SOX6: variants seen among roughly 807,000 people sequenced by gnomAD.
SOX6 encodes the protein SRY-box transcription factor 6, also known as transcription factor SOX-6.
In SOX6, 11 loss-of-function variants were observed where a neutral mutation model predicts 97.8. That is an observed-to-expected ratio of 0.11 (90% CI 0.07 to 0.19). The LOEUF (loss-of-function observed/expected upper bound fraction) is 0.19. SOX6 is among the 10% of genes least tolerant of loss of function. The probability of loss-of-function intolerance (pLI) is 1.00; values close to 1 mark genes in which losing one functional copy is unlikely to be tolerated. For missense variants in SOX6, 810 were observed against 1,039.5 expected, an observed-to-expected ratio of 0.78 and a Z score of 3.04; for synonymous variants, 360 against 371.4, an observed-to-expected ratio of 0.97 and a Z score of 0.35.
At chr11:16,347,711 A>G (rs1043735255) in intron 1 of SOX6, among the ~76,000 whole-genome samples, 1 of 152,154 alleles carries the variant, frequency 6.6e-6, no homozygotes, top group African/African-American at 2.4e-5. Flanking sequence ...ATCATAAACC[A>G]GAACAATAAC....
chr11:16,525,698 C>T (rs1333849266), intron 4 of SOX6, among the ~76,000 whole-genome samples: 3 of 151,696 alleles, frequency 2.0e-5, no homozygotes, highest in African/African-American at 7.3e-5. Context: ...AACAGGCAAC[C>T]TACAAAATGG....
chr11:16,614,309 C>G (rs533615353), intron 3 of SOX6, among the ~76,000 whole-genome samples: 2 of 152,262 alleles, frequency 1.3e-5, no homozygotes, highest in Non-Finnish European at 2.9e-5. Context: ...ACCTTCGGAA[C>G]AGTAGACAAA....
intron 1 of SOX6, among the ~76,000 whole-genome samples, chr11:16,343,598 G>A (rs1367804158): frequency 2.6e-5 from 4 of 151,908 alleles, no homozygotes; most frequent in South Asian, 2.1e-4. Context: ...TTGTTAGAAT[G>A]TTTTCTTAAG....
At position 16,607,842 on chromosome 11, in the gene SOX6, C is replaced by CGAGG. The variant is rs1848353550; in HGVS notation, n.609+4235_609+4238dup. ...AACACAGGCAAGATGAGACAAGAGG[C>CGAGG]GAGGGAGGCAGCGAGCCAGGCAGAG... On this transcript the variant is annotated intron_variant and non_coding_transcript_variant, in intron 4 of 5. Transcript: ENST00000524520. This position sits in a 1 kb window ranked among gnomAD's most constrained non-coding sequence, Gnocchi z 6.5. The CGAGG allele has an allele frequency of 6.6e-6, 1 of 151,716 alleles. No individual in the cohort carries two copies. The highest frequency in any genetic ancestry group is 2.1e-4 in the South Asian group (1 of 4,776). 9.4% of individuals were successfully genotyped at this position (151,716 alleles called of 1,614,324 possible).
At chr11:16,521,257 C>A (rs534620250) in intron 4 of SOX6, among the ~76,000 whole-genome samples, 1 of 152,130 alleles carries the variant, frequency 6.6e-6, no homozygotes, top group South Asian at 2.1e-4. Flanking sequence ...ACACCTCACA[C>A]GGCCGGGTAC....
chr11:16,101,357 G>T (rs1341085523), intron 7 of SOX6, among the ~76,000 whole-genome samples: 1 of 151,522 alleles, frequency 6.6e-6, no homozygotes, highest in Non-Finnish European at 1.5e-5. Context: ...AATAAAATTA[G>T]CAAGGATTAT....
intron 2 of SOX6, among the ~76,000 whole-genome samples, chr11:16,732,710 T>C (rs917425783): frequency 3.3e-5 from 5 of 152,040 alleles, no homozygotes; most frequent in Admixed American, 2.0e-4. Context: ...CCAAAAACAA[T>C]GGCAACAAAA....
intron 3 of SOX6, among the ~76,000 whole-genome samples, chr11:16,281,912 C>T (rs769043052): frequency 1.9e-4 from 29 of 149,304 alleles, no homozygotes; most frequent in Middle Eastern, 3.5e-3. Flanking sequence ...AACATAAAAG[C>T]AAGTTACATA....
At chr11:16,407,584 G>A (rs1284974102) in intron 1 of SOX6, among the ~76,000 whole-genome samples, 1 of 152,078 alleles carries the variant, frequency 6.6e-6, no homozygotes, top group Non-Finnish European at 1.5e-5. Context: ...GCAGGAATAG[G>A]AGTGATTACC....
At chr11:16,532,758 T>C (rs1861254849) in intron 4 of SOX6, among the ~76,000 whole-genome samples, 1 of 151,900 alleles carries the variant, frequency 6.6e-6, no homozygotes, top group Non-Finnish European at 1.5e-5. Flanking sequence ...AAAAATATCC[T>C]AAATATCTTC....
At chr11:16,552,466 T>C (rs1206170163) in intron 4 of SOX6, among the ~76,000 whole-genome samples, 1 of 152,184 alleles carries the variant, frequency 6.6e-6, no homozygotes, top group Non-Finnish European at 1.5e-5. Flanking sequence ...GGTTTTTTCT[T>C]TTGTTTGGAA....
rs551311516 is a variant in SOX6, at chr11:16,608,944, A to T, written n.609+3137T>A. Among the ~76,000 whole-genome samples the T allele has an allele frequency of 2.6e-5, 4 of 152,342 alleles. No homozygotes were observed. The East Asian group carries it at 7.7e-4, about 29-fold the overall frequency. On this transcript the variant is annotated intron_variant and non_coding_transcript_variant, in intron 4 of 5. Transcript: ENST00000524520. ...CAGTTTCAGTCACCCAGGATGACATATAAAAATGCCTAAGTCAGATGTAGA... is the reference window on the plus strand; with the variant it reads ...CAGTTTCAGTCACCCAGGATGACATTTAAAAATGCCTAAGTCAGATGTAGA...
At chr11:16,591,348 TAGAC>T (rs58702660) in intron 4 of SOX6, among the ~76,000 whole-genome samples, 44,107 of 120,864 alleles carry the variant, frequency 0.36, 6,797 homozygotes, top group Admixed American at 0.39. Context: ...GATAGATAGA[TAGAC>T]AGATAGATAG....
At chr11:16,199,520 C>A (rs1851877143) in intron 4 of SOX6, among the ~76,000 whole-genome samples, 1 of 152,076 alleles carries the variant, frequency 6.6e-6, no homozygotes, top group Non-Finnish European at 1.5e-5. Flanking sequence ...TTTCAGTAAA[C>A]TATAAATGTT....
chr11:16,514,348 C>T (rs993429441), intron 4 of SOX6, among the ~76,000 whole-genome samples: 1 of 151,770 alleles, frequency 6.6e-6, no homozygotes, highest in Non-Finnish European at 1.5e-5. Flanking sequence ...AAAAGTAGGT[C>T]AGCCCAAAAG....
chr11:16,193,990 G>A (rs539401785), intron 4 of SOX6, among the ~76,000 whole-genome samples: 16 of 152,214 alleles, frequency 1.1e-4, no homozygotes, highest in South Asian at 4.1e-4. Flanking sequence ...AGCATTGGCC[G>A]TTTTGGATAC....
intron 4 of SOX6, among the ~76,000 whole-genome samples, chr11:16,569,489 GAAATTATTTTAAATATAAGAATTATCA>G (rs1457361150): frequency 1.3e-4 from 20 of 152,080 alleles, no homozygotes; most frequent in Non-Finnish European, 2.1e-4. Context: ...ATGTGTGTGA[GAAATTATTTTAAATATAAGAATTATCA>G]AAAATTATAA....
chr11:16,435,051 A>G (rs943315674), intron 1 of SOX6, among the ~76,000 whole-genome samples: 6 of 152,152 alleles, frequency 3.9e-5, no homozygotes, highest in Non-Finnish European at 4.4e-5. Context: ...ACTTAAAGTT[A>G]TTATTTAGAG....
chr11:15,983,909 G>A (rs1176764098), intron 15 of SOX6, among the ~76,000 whole-genome samples: 1 of 152,016 alleles, frequency 6.6e-6, no homozygotes, highest in Non-Finnish European at 1.5e-5. Context: ...TTTTCTCCAA[G>A]TGCTAAGAGC....
Sources: gnomAD v4.1 joint callset for allele counts (sites outside exome capture counted in the v4.1 genomes callset) on GRCh38, gnomAD v4.1.1 for gene constraint, Gnocchi (gnomAD v3.1) non-coding constraint, MANE v1.5 for transcripts, NCBI Gene and HGNC (gene_info 2026-07-23, HGNC 2026-07-21) for gene names.